Variants in HS3ST5 observed in about 807,000 individuals in gnomAD.
HS3ST5 encodes heparan sulfate glucosamine 3-O-sulfotransferase 5.
A neutral mutation model predicts 25.4 loss-of-function variants in HS3ST5; 10 were observed. The observed-to-expected ratio is 0.39, with a 90% CI of 0.24 to 0.67. The LOEUF is 0.67. Ranked by LOEUF, HS3ST5 falls within the 30% of genes least tolerant of loss-of-function variation. HS3ST5 has a pLI of 0.44. For synonymous variants in HS3ST5, 170 were observed against 162.4 expected (o/e 1.05, Z -0.36); for missense variants, 324 against 420.7 (o/e 0.77, Z 2.01).
intron 1 of HS3ST5, among the ~76,000 whole-genome samples, chr6:114,245,957 A>G (rs1043945702): frequency 5.9e-5 from 9 of 152,218 alleles, no homozygotes; most frequent in Non-Finnish European, 1.2e-4. Flanking sequence ...GGTTCAGGCA[A>G]GATGTTTCAA....
intron 2 of HS3ST5, among the ~76,000 whole-genome samples, chr6:114,204,511 G>A (rs1781182099): frequency 1.3e-5 from 2 of 152,018 alleles, no homozygotes; most frequent in African/African-American, 2.4e-5. Context: ...CATCTCTGAC[G>A]AATTTTTAGG....
intron 2 of HS3ST5, among the ~76,000 whole-genome samples, chr6:114,215,199 G>A (rs888702972): frequency 9.2e-5 from 14 of 151,940 alleles, no homozygotes; most frequent in African/African-American, 2.2e-4. Context: ...TCAGCTTCTC[G>A]GGAGGCTGAG....
At chr6:114,065,289 G>A (rs1311760585) in intron 3 of HS3ST5, among the ~76,000 whole-genome samples, 3 of 152,208 alleles carry the variant, frequency 2.0e-5, no homozygotes, top group East Asian at 1.9e-4. Flanking sequence ...AGTTACCTAT[G>A]TAATGTGATT....
chr6:114,237,277 T>C (rs1478070378), intron 1 of HS3ST5, among the ~76,000 whole-genome samples: 1 of 152,010 alleles, frequency 6.6e-6, no homozygotes, highest in African/African-American at 2.4e-5. Context: ...TCTGTTAATG[T>C]TAATACCAAG....
intron 4 of HS3ST5, among the ~76,000 whole-genome samples, chr6:114,060,312 T>C (rs1221477437): frequency 6.6e-6 from 1 of 152,072 alleles, no homozygotes; most frequent in Non-Finnish European, 1.5e-5. Flanking sequence ...GTGCCTGGCC[T>C]AGACAGCTTT....
intron 1 of HS3ST5, among the ~76,000 whole-genome samples, chr6:114,318,704 C>G (rs1258476124): frequency 6.6e-6 from 1 of 152,112 alleles, no homozygotes; most frequent in Non-Finnish European, 1.5e-5. Context: ...GACTTGGGTT[C>G]AAATGCCCAC....
chr6:114,152,345 A>G (rs1248480570), intron 3 of HS3ST5, among the ~76,000 whole-genome samples: 1 of 152,158 alleles, frequency 6.6e-6, no homozygotes, highest in Non-Finnish European at 1.5e-5. Context: ...TTCAGTGTAC[A>G]CATCTATGCT....
intron 2 of HS3ST5, among the ~76,000 whole-genome samples, chr6:114,170,368 AT>A (rs1210661161): frequency 6.6e-6 from 1 of 152,024 alleles, no homozygotes; most frequent in Non-Finnish European, 1.5e-5. Context: ...TTGTAATGTA[AT>A]TTTTTAAAAA....
At chr6:114,149,398 G>T (rs1173359555) in intron 3 of HS3ST5, among the ~76,000 whole-genome samples, 1 of 152,212 alleles carries the variant, frequency 6.6e-6, no homozygotes, top group Non-Finnish European at 1.5e-5. Flanking sequence ...ATACTATGCA[G>T]CCATAAAAAA....
chr6:114,185,427 G>T (rs967557562), intron 2 of HS3ST5, among the ~76,000 whole-genome samples: 1 of 152,190 alleles, frequency 6.6e-6, no homozygotes, highest in Non-Finnish European at 1.5e-5. Context: ...ACCTGACCCT[G>T]CTGGCACCCT....
chr6:114,088,385 A>G (rs780210541), intron 3 of HS3ST5, among the ~76,000 whole-genome samples: 8 of 149,582 alleles, frequency 5.3e-5, no homozygotes, highest in Non-Finnish European at 1.2e-4. Flanking sequence ...TATTTCCTGG[A>G]TGATCTTCTC....
At chr6:114,337,008 T>A (rs1270535539) in intron 1 of HS3ST5, among the ~76,000 whole-genome samples, 1 of 152,198 alleles carries the variant, frequency 6.6e-6, no homozygotes. Context: ...AAAGTACAAT[T>A]ACAGGCATTC....
intron 1 of HS3ST5, among the ~76,000 whole-genome samples, chr6:114,328,966 G>GT (rs370970425): frequency 9.9e-5 from 15 of 152,086 alleles, no homozygotes; most frequent in East Asian, 5.8e-4. Flanking sequence ...AAGTTAAATA[G>GT]TTTTTTTTAA....
At position 114,312,553 on chromosome 6, in the gene HS3ST5, T is replaced by C. The variant is rs192585092; in HGVS notation, c.-339+29642A>G. Among the ~76,000 whole-genome samples, 293 of 152,284 alleles carry C rather than the reference T, an allele frequency of 1.9e-3. 1 individual carries two copies. Among genetic ancestry groups the C allele is most frequent in the Non-Finnish European group, 3.2e-3 (215 of 68,020 alleles). On this transcript the variant is annotated intron_variant, in intron 1 of 4. Coordinates refer to ENST00000312719, the MANE Select transcript of HS3ST5 (RefSeq NM_153612.4). ...AAATTGAACTTCATTAAAGTTATAATTTCTGGTCTTCAAAAGATATTAGAA... is the reference window on the plus strand; with the variant it reads ...AAATTGAACTTCATTAAAGTTATAACTTCTGGTCTTCAAAAGATATTAGAA...
At chr6:114,240,547 C>T (rs966363838) in intron 1 of HS3ST5, among the ~76,000 whole-genome samples, 5 of 152,140 alleles carry the variant, frequency 3.3e-5, no homozygotes, top group African/African-American at 1.2e-4. Context: ...TGTTGCTAAA[C>T]ACGAAGCTGG....
At chr6:114,138,801 G>A (rs1582642449) in intron 3 of HS3ST5, among the ~76,000 whole-genome samples, 1 of 152,128 alleles carries the variant, frequency 6.6e-6, no homozygotes, top group African/African-American at 2.4e-5. Flanking sequence ...ATGTGGACTG[G>A]GTAGCTTATA....
intron 1 of HS3ST5, among the ~76,000 whole-genome samples, chr6:114,260,315 C>T (rs1475375086): frequency 6.6e-6 from 1 of 152,090 alleles, no homozygotes; most frequent in Non-Finnish European, 1.5e-5. Flanking sequence ...TTTTAACACA[C>T]ATTTTCCTCA....
At chr6:114,234,113 A>T (rs749371034) in intron 1 of HS3ST5, among the ~76,000 whole-genome samples, 4 of 152,126 alleles carry the variant, frequency 2.6e-5, no homozygotes, top group Non-Finnish European at 5.9e-5. Context: ...GTAAGGGTAG[A>T]CGATGCAAAT....
chr6:114,203,752 T>A (rs777375235), intron 2 of HS3ST5, among the ~76,000 whole-genome samples: 23 of 152,166 alleles, frequency 1.5e-4, no homozygotes, highest in Non-Finnish European at 2.9e-4. Context: ...AGCCTCTCTC[T>A]GCCAAATTAT....
Sources: gnomAD v4.1 joint callset for allele counts (sites outside exome capture counted in the v4.1 genomes callset) on GRCh38, gnomAD v4.1.1 for gene constraint, MANE v1.5 for transcripts, NCBI Gene and HGNC (gene_info 2026-07-23, HGNC 2026-07-21) for gene names.